The following CELF4 variants were observed in gnomAD, a reference collection of about 807,000 sequenced individuals.
The protein encoded by CELF4 is CUG-BP- and ETR-3-like factor 4.
A neutral mutation model predicts 59.9 loss-of-function variants in CELF4; 18 were observed. The observed-to-expected ratio is 0.30, with a 90% CI of 0.21 to 0.45. CELF4 has a LOEUF of 0.45. Ranked by LOEUF, CELF4 falls within the 20% of genes least tolerant of loss-of-function variation. CELF4 has a pLI of 1.00. For synonymous variants in CELF4, 261 were observed against 267.1 expected (o/e 0.98, Z 0.22); for missense variants, 456 against 689.0 (o/e 0.66, Z 3.79).
intron 2 of CELF4, among the ~76,000 whole-genome samples, chr18:37,463,469 C>T (rs1200485392): frequency 6.6e-6 from 1 of 152,212 alleles, no homozygotes; most frequent in East Asian, 1.9e-4. Context: ...TGAAATGATT[C>T]TTCCCAATTT....
intron 1 of CELF4, among the ~76,000 whole-genome samples, chr18:37,498,604 T>A (rs951601535): frequency 6.6e-6 from 1 of 151,802 alleles, no homozygotes; most frequent in African/African-American, 2.4e-5. Flanking sequence ...ACCTATTTAA[T>A]TTTCCCCCGA....
chr18:37,436,141 G>A (rs1354690015), intron 2 of CELF4, among the ~76,000 whole-genome samples: 6 of 152,344 alleles, frequency 3.9e-5, no homozygotes, highest in Non-Finnish European at 8.8e-5. Context: ...TTCCCAGGGA[G>A]CGGCAGGAAC....
chr18:37,520,501 C>A (rs542242817), intron 1 of CELF4, among the ~76,000 whole-genome samples: 2 of 148,492 alleles, frequency 1.3e-5, no homozygotes, highest in South Asian at 4.5e-4. Context: ...CTTGACTCAG[C>A]TGGCAGAGGG....
chr18:37,394,074 C>T (rs2099205748), intron 2 of CELF4, among the ~76,000 whole-genome samples: 2 of 152,074 alleles, frequency 1.3e-5, no homozygotes, highest in South Asian at 2.1e-4. Context: ...CTCTGGGCGG[C>T]GCTGGGCTCC....
intron 2 of CELF4, among the ~76,000 whole-genome samples, chr18:37,448,943 T>C (rs964325079): frequency 3.3e-5 from 5 of 152,324 alleles, no homozygotes; most frequent in South Asian, 2.1e-4. Flanking sequence ...GACTGTTTGA[T>C]GCCAGCATGG....
chr18:37,352,124 C>G (rs1569567353), intron 2 of CELF4, among the ~76,000 whole-genome samples: 1 of 152,188 alleles, frequency 6.6e-6, no homozygotes, highest in Non-Finnish European at 1.5e-5. Flanking sequence ...TCTTAAACAT[C>G]TTGTTATTCT....
At chr18:37,499,768 G>A (rs572366818) in intron 1 of CELF4, among the ~76,000 whole-genome samples, 47 of 152,166 alleles carry the variant, frequency 3.1e-4, no homozygotes, top group Admixed American at 6.5e-4. Context: ...CTGGGCTTCA[G>A]TTTCCTTTTT....
chr18:37,345,213 G>T (rs1237603844), intron 2 of CELF4, among the ~76,000 whole-genome samples: 1 of 152,174 alleles, frequency 6.6e-6, no homozygotes, highest in Non-Finnish European at 1.5e-5. Context: ...CTCAGCAGGG[G>T]CTACCCACAC....
At chr18:37,513,775 G>A (rs140768141) in intron 1 of CELF4, among the ~76,000 whole-genome samples, 17 of 152,170 alleles carry the variant, frequency 1.1e-4, no homozygotes, top group Non-Finnish European at 2.1e-4. Context: ...GTACTTTCAG[G>A]CCAATCCGCA....
At chr18:37,379,211 T>C (rs1435739061) in intron 2 of CELF4, among the ~76,000 whole-genome samples, 1 of 152,116 alleles carries the variant, frequency 6.6e-6, no homozygotes, top group African/African-American at 2.4e-5. Context: ...GAGGATTGGA[T>C]GAGAGCAGGG....
intron 2 of CELF4, among the ~76,000 whole-genome samples, chr18:37,372,266 T>A (rs971095941): frequency 3.3e-5 from 5 of 152,246 alleles, no homozygotes; most frequent in African/African-American, 1.2e-4. Flanking sequence ...ATTAAGAAAA[T>A]GTGGCACATA....
intron 2 of CELF4, among the ~76,000 whole-genome samples, chr18:37,377,015 G>C (rs1278328595): frequency 6.6e-6 from 1 of 152,114 alleles, no homozygotes; most frequent in East Asian, 1.9e-4. Context: ...GAGGGTAAGG[G>C]GAGGTGGAGG....
At chr18:37,429,972 A>G (rs2099638147) in intron 2 of CELF4, among the ~76,000 whole-genome samples, 2 of 152,196 alleles carry the variant, frequency 1.3e-5, no homozygotes, top group African/African-American at 4.8e-5. Flanking sequence ...ACTCTGAAGC[A>G]GGAAGTCCAG....
At chr18:37,384,980 C>T (rs1603632890) in intron 2 of CELF4, among the ~76,000 whole-genome samples, 1 of 152,320 alleles carries the variant, frequency 6.6e-6, no homozygotes, top group Non-Finnish European at 1.5e-5. Context: ...CATTCCAAGC[C>T]TTTTCTCCCT....
rs962712561 is a variant in CELF4, at chr18:37,243,661, G to T, written c.*1581C>A. On this transcript the variant is annotated 3_prime_UTR_variant, in exon 13 of 13. Coordinates refer to ENST00000420428, the MANE Select transcript of CELF4 (RefSeq NM_020180.4). ...AATTTATTTACAGAAAAACAGAGCC[G>T]GCATCATTTAAACATCCCTGTTTTT... 5.3e-5 allele frequency: 8 copies of T among 152,134 alleles called. No homozygotes were observed. Among genetic ancestry groups the T allele is most frequent in the African/African-American group, 1.9e-4 (8 of 41,368 alleles). The allele number at this position is 152,134 out of a possible 1,614,324, so 9.4% of individuals were successfully genotyped here.
At chr18:37,533,426 C>T (rs1306278384) in intron 1 of CELF4, among the ~76,000 whole-genome samples, 3 of 152,166 alleles carry the variant, frequency 2.0e-5, no homozygotes, top group African/African-American at 7.2e-5. Flanking sequence ...TTGGCCCATA[C>T]AGCAGGGGGG....
At chr18:37,325,490 G>A (rs1406377904) in intron 2 of CELF4, among the ~76,000 whole-genome samples, 12 of 152,192 alleles carry the variant, frequency 7.9e-5, no homozygotes, top group African/African-American at 2.4e-4. Flanking sequence ...CACCCCAGTT[G>A]CAGGCAGCCA....
At chr18:37,301,918 T>TCCCCTTC in intron 3 of CELF4, among the ~76,000 whole-genome samples, 1 of 152,016 alleles carries the variant, frequency 6.6e-6, no homozygotes, top group East Asian at 1.9e-4. Flanking sequence ...CACCCACCTT[T>TCCCCTTC]CCCCTTCCCC....
intron 2 of CELF4, among the ~76,000 whole-genome samples, chr18:37,472,333 A>C (rs1009726435): frequency 6.6e-6 from 1 of 152,114 alleles, no homozygotes; most frequent in Non-Finnish European, 1.5e-5. Context: ...GCCCTGCACT[A>C]GGCTATAAAG....
Sources: allele counts gnomAD v4.1 joint callset (sites outside exome capture counted in the v4.1 genomes callset), GRCh38; gene constraint gnomAD v4.1.1; transcripts MANE v1.5; gene names NCBI Gene and HGNC (gene_info 2026-07-23, HGNC 2026-07-21).